Variants in TRIM23 observed in about 807,000 individuals in gnomAD.
TRIM23 encodes E3 ubiquitin-protein ligase TRIM23.
TRIM23 carries 27 observed loss-of-function variants against 71.0 expected under a neutral mutation model. The ratio of observed to expected loss-of-function variants is 0.38; its 90% CI spans 0.28 to 0.52. The LOEUF (loss-of-function observed/expected upper bound fraction) is 0.52. TRIM23 is among the 20% of genes least tolerant of loss of function. TRIM23 has a pLI of 0.84. For missense variants in TRIM23, 482 were observed against 692.3 expected (o/e 0.70, Z 3.41); for synonymous variants, 234 against 238.0 (o/e 0.98, Z 0.16).
rs10699 is a variant in TRIM23, at chr5:65,590,719, A to T, written c.*1050T>A. The T allele has an allele frequency of 3.1e-6, 3 of 983,270 alleles. No individual in the cohort carries two copies. The highest frequency in any genetic ancestry group is 3.6e-6 in the Non-Finnish European group (3 of 828,204). The allele number at this position is 983,270 out of a possible 1,614,324, so 60.9% of individuals were successfully genotyped here. ...CTTTAGACATTTTTCCTCTAGAGTA[A>T]CTTTTCAAGGCCTTCTCATGAACAG... On this transcript the variant is annotated 3_prime_UTR_variant, in exon 11 of 11. Coordinates refer to ENST00000231524, the MANE Select transcript of TRIM23 (RefSeq NM_001656.4).
chr5:65,623,283 T>C (rs747454196), intron 1 of TRIM23, among the ~76,000 whole-genome samples: 1 of 152,246 alleles, frequency 6.6e-6, no homozygotes. Flanking sequence ...AATATACTGA[T>C]GTCAACCTCA....
chr5:65,605,147 T>C lies in TRIM23; in HGVS notation c.1045-102A>G, dbSNP rs550272178. 6.1e-5 allele frequency: 64 copies of C among 1,052,774 alleles called. 1 individual carries two copies. The African/African-American group carries it at 9.8e-4, about 16-fold the overall frequency. 65.2% of individuals were successfully genotyped at this position (1,052,774 alleles called of 1,614,324 possible). On this transcript the variant is annotated intron_variant, in intron 6 of 10. Transcript: ENST00000231524. The stretch of plus-strand genomic sequence containing the variant: ...AATAAAAGCAGTTTTAACATTATAG[T>C]AGTCAAAGTTAAATGTAAATTTGAC...
chr5:65,603,898 T>A (rs1308142373), intron 7 of TRIM23, among the ~76,000 whole-genome samples: 1 of 151,952 alleles, frequency 6.6e-6, no homozygotes, highest in Non-Finnish European at 1.5e-5. Context: ...AACAAGTTGA[T>A]AATATTAGTG....
intron 10 of TRIM23, among the ~76,000 whole-genome samples, chr5:65,592,189 A>G (rs1754057975): frequency 6.6e-6 from 1 of 152,158 alleles, no homozygotes; most frequent in Non-Finnish European, 1.5e-5. Context: ...TGAAATCAAT[A>G]AAGTCCTTGC....
intron 7 of TRIM23, among the ~76,000 whole-genome samples, chr5:65,602,412 T>C (rs1323216652): frequency 1.3e-5 from 2 of 152,182 alleles, no homozygotes; most frequent in African/African-American, 4.8e-5. Context: ...TCGCCATCCA[T>C]ATCATTATCA....
chr5:65,605,175 A>T (rs154943), intron 6 of TRIM23, 130 bp from the exon 7 acceptor site: 37 of 800,164 alleles, frequency 4.6e-5, no homozygotes, highest in South Asian at 1.9e-4. Flanking sequence ...AATTTGACAA[A>T]AATAATAATT....
intron 6 of TRIM23, among the ~76,000 whole-genome samples, chr5:65,606,602 A>AT (rs1754514076): frequency 2.0e-5 from 3 of 151,974 alleles, no homozygotes; most frequent in Non-Finnish European, 4.4e-5. Context: ...CAAGAGGCCT[A>AT]TTTTCCTGTT....
At chr5:65,605,121 C>T (rs2150630117) in intron 6 of TRIM23, 76 bp from the exon 7 acceptor site, 3 of 1,352,498 alleles carry the variant, frequency 2.2e-6, no homozygotes, top group Non-Finnish European at 3.0e-6. Flanking sequence ...TACCAACTCA[C>T]AATAAAAGCA....
At position 65,620,563 on chromosome 5, in the gene TRIM23, TA is replaced by T. The variant is rs59498319; in HGVS notation, c.82-2309del. ...ATAATAGAATATATTCATTTTTGCA[TA>T]AAGGTGGGGAAAGAGCAAATTTTTT... On this transcript the variant is annotated intron_variant, in intron 1 of 10. Coordinates refer to ENST00000231524, the MANE Select transcript of TRIM23 (RefSeq NM_001656.4). Among the ~76,000 whole-genome samples, 948 of 128,338 alleles carry T rather than the reference TA, an allele frequency of 7.4e-3. 11 individuals carry two copies. Among genetic ancestry groups the T allele is most frequent in the African/African-American group, 0.027 (908 of 33,946 alleles). The allele number at this position is 128,338 out of a possible 152,430, so 84.2% of individuals were successfully genotyped here. A position where few individuals can be genotyped will look rare whatever the true frequency, so the allele number is the denominator to read the frequency against.
chr5:65,613,839 C>T (rs1194293279), intron 3 of TRIM23: 1 of 1,376,052 alleles, frequency 7.3e-7, no homozygotes, highest in Non-Finnish European at 9.6e-7. Context: ...CCTCTTTTCA[C>T]TTTATTCTTG....
chr5:65,590,584 A>C lies in TRIM23; in HGVS notation c.*1185T>G, dbSNP rs184082118. On this transcript the variant is annotated 3_prime_UTR_variant, in exon 11 of 11. Coordinates refer to ENST00000231524, the MANE Select transcript of TRIM23 (RefSeq NM_001656.4). ...AGTCTCAATGTACCTATTTAAATAA[A>C]TCGTGCTTCCATAATAATATTCTTT... 8.9e-5 allele frequency: 92 copies of C among 1,036,764 alleles called. No individual in the cohort carries two copies. The highest frequency in any genetic ancestry group is 5.4e-5 in the Admixed American group (1 of 18,594). The allele number at this position is 1,036,764 out of a possible 1,614,324, so 64.2% of individuals were successfully genotyped here. A position where few individuals can be genotyped will look rare whatever the true frequency, so the allele number is the denominator to read the frequency against.
chr5:65,621,204 TAGCC>T (rs1754932987), intron 1 of TRIM23, among the ~76,000 whole-genome samples: 1 of 151,990 alleles, frequency 6.6e-6, no homozygotes, highest in Non-Finnish European at 1.5e-5. Flanking sequence ...TACAAAAAAT[TAGCC>T]AGGCGCGGTG....
At chr5:65,620,677 A>G (rs1339582687) in intron 1 of TRIM23, among the ~76,000 whole-genome samples, 1 of 152,218 alleles carries the variant, frequency 6.6e-6, no homozygotes, top group African/African-American at 2.4e-5. Flanking sequence ...TGAAAAAGGC[A>G]AACAACTGGG....
chr5:65,613,315 C>T (rs1754698912), intron 3 of TRIM23, among the ~76,000 whole-genome samples: 2 of 152,152 alleles, frequency 1.3e-5, no homozygotes, highest in African/African-American at 4.8e-5. Context: ...GTTTGAAATT[C>T]ATTTCACTGA....
chr5:65,607,615 A>T (rs999361950), intron 6 of TRIM23, among the ~76,000 whole-genome samples: 1 of 152,220 alleles, frequency 6.6e-6, no homozygotes, highest in Non-Finnish European at 1.5e-5. Flanking sequence ...ACCCAGTCTC[A>T]GGTAGTATCT....
rs148127367 is a variant in TRIM23, at chr5:65,596,750, C to T, written c.1310-219G>A. On this transcript the variant is annotated intron_variant, in intron 8 of 10. Coordinates refer to ENST00000231524, the MANE Select transcript of TRIM23 (RefSeq NM_001656.4). Reference sequence around the variant, plus strand: ...AAACCTCCACCAAGGTCCTTAGGACCTTGGGATCCATGTACCTTCCAGCTC... The same window carrying T: ...AAACCTCCACCAAGGTCCTTAGGACTTTGGGATCCATGTACCTTCCAGCTC... 1.7e-3 allele frequency among the ~76,000 whole-genome samples: 257 copies of T among 152,148 alleles called. 2 individuals carry two copies. The highest frequency in any genetic ancestry group is 2.8e-3 in the Non-Finnish European group (187 of 67,988).
chr5:65,615,951 G>A (rs531112041), intron 2 of TRIM23, among the ~76,000 whole-genome samples: 3 of 152,268 alleles, frequency 2.0e-5, no homozygotes, highest in East Asian at 1.9e-4. Flanking sequence ...ACAGCCTACC[G>A]AGCCTCCAAC....
intron 4 of TRIM23, 86 bp downstream of exon 4, chr5:65,611,516 CA>C (rs1213127121): frequency 1.4e-6 from 2 of 1,449,502 alleles, no homozygotes; most frequent in African/African-American, 2.8e-5. Flanking sequence ...TCCCTACTTT[CA>C]GAATAAAGAA....
chr5:65,595,459 G>A (rs1327428595), intron 9 of TRIM23, among the ~76,000 whole-genome samples: 1 of 151,436 alleles, frequency 6.6e-6, no homozygotes, highest in African/African-American at 2.4e-5. Flanking sequence ...TCAGGAGGCT[G>A]AGGCAGGAGA....
Sources: allele counts gnomAD v4.1 joint callset (sites outside exome capture counted in the v4.1 genomes callset), GRCh38; gene constraint gnomAD v4.1.1; transcripts MANE v1.5; gene names NCBI Gene and HGNC (gene_info 2026-07-23, HGNC 2026-07-21).